Variants in DPP10 observed in about 807,000 individuals in gnomAD.
DPP10 encodes inactive dipeptidyl peptidase 10.
In DPP10, 33 loss-of-function variants were observed where a neutral mutation model predicts 120.9. The observed-to-expected ratio is 0.27, with a 90% CI of 0.21 to 0.37. DPP10 has a LOEUF of 0.37. Ranked by LOEUF, DPP10 falls within the 10% of genes least tolerant of loss-of-function variation. The probability of loss-of-function intolerance (pLI) is 1.00; values close to 1 mark genes in which losing one functional copy is unlikely to be tolerated. For missense variants in DPP10, 816 were observed against 942.8 expected, an observed-to-expected ratio of 0.87 and a Z score of 1.76; for synonymous variants, 337 against 326.1, an observed-to-expected ratio of 1.03 and a Z score of -0.36.
At chr2:114,873,551 G>A (rs750535098) in intron 1 of DPP10, among the ~76,000 whole-genome samples, 53 of 152,200 alleles carry the variant, frequency 3.5e-4, no homozygotes, top group Middle Eastern at 6.8e-3. Flanking sequence ...GTGTCGGTGC[G>A]TGCATGGATG....
At chr2:114,569,160 C>T (rs1380563644) in intron 1 of DPP10, among the ~76,000 whole-genome samples, 3 of 152,148 alleles carry the variant, frequency 2.0e-5, no homozygotes, top group Non-Finnish European at 4.4e-5. Context: ...GACTTTTTAA[C>T]ACTGAGAAAG....
chr2:115,197,249 G>A (rs776649596), intron 1 of DPP10, among the ~76,000 whole-genome samples: 8 of 151,928 alleles, frequency 5.3e-5, no homozygotes, highest in African/African-American at 1.2e-4. Context: ...AAAATTAGCC[G>A]GGCGTGGTGG....
chr2:115,396,483 A>G (rs2067688630), intron 3 of DPP10, among the ~76,000 whole-genome samples: 1 of 152,206 alleles, frequency 6.6e-6, no homozygotes, highest in African/African-American at 2.4e-5. Context: ...CATTTCTCCC[A>G]TGTGGTCTGT....
At chr2:114,585,336 G>A (rs889089571) in intron 1 of DPP10, among the ~76,000 whole-genome samples, 23 of 152,172 alleles carry the variant, frequency 1.5e-4, no homozygotes, top group African/African-American at 5.3e-4. Context: ...TTTCCCTCTC[G>A]TTGACTCTCT....
At position 115,685,237 on chromosome 2, in the gene DPP10, A is replaced by G. The variant is rs1414899495; in HGVS notation, c.442-4450A>G. ...ATGTAGTGAAAGCTAAATTTGAGTT[A>G]TTATTATATGCAGGACTATCTTAAG... On this transcript the variant is annotated intron_variant, in intron 5 of 25. Transcript: ENST00000410059. 2.7e-5 allele frequency among the ~76,000 whole-genome samples: 4 copies of G among 149,840 alleles called. No individual in the cohort carries two copies. In the South Asian group the frequency reaches 8.3e-4, roughly 31 times the overall value.
chr2:115,339,702 A>G (rs956567539), intron 2 of DPP10, among the ~76,000 whole-genome samples: 8 of 152,200 alleles, frequency 5.3e-5, no homozygotes, highest in African/African-American at 1.9e-4. Context: ...GATAAAAGCC[A>G]GTCCAAAAGC....
intron 1 of DPP10, among the ~76,000 whole-genome samples, chr2:114,630,792 A>G (rs531035809): frequency 1.3e-5 from 2 of 152,230 alleles, no homozygotes; most frequent in South Asian, 4.2e-4. Context: ...AAAGATTTGT[A>G]AGGATACTGT....
At chr2:114,461,548 C>T (rs920741831) in intron 1 of DPP10, 1 of 980,270 alleles carries the variant, frequency 1.0e-6, no homozygotes, top group Non-Finnish European at 1.2e-6. Context: ...TGATCAACCT[C>T]CTTTTCTAAG....
intron 3 of DPP10, among the ~76,000 whole-genome samples, chr2:115,394,167 T>G (rs577305534): frequency 6.6e-6 from 1 of 152,188 alleles, no homozygotes; most frequent in Non-Finnish European, 1.5e-5. Flanking sequence ...GTGAGACTGA[T>G]GTAATCAGAT....
intron 2 of DPP10, among the ~76,000 whole-genome samples, chr2:115,326,243 G>T (rs529779430): frequency 3.3e-5 from 5 of 152,134 alleles, no homozygotes; most frequent in South Asian, 2.1e-4. Context: ...GGTCCCATTT[G>T]ATTGTAATTC....
At chr2:114,640,989 T>C (rs761558964) in intron 1 of DPP10, among the ~76,000 whole-genome samples, 10 of 151,916 alleles carry the variant, frequency 6.6e-5, no homozygotes, top group Non-Finnish European at 1.5e-4. Flanking sequence ...TTTTATTCTC[T>C]GGTTTTAGTT....
chr2:114,451,309 T>C (rs1678262731), intron 1 of DPP10, among the ~76,000 whole-genome samples: 1 of 152,132 alleles, frequency 6.6e-6, no homozygotes, highest in South Asian at 2.1e-4. Context: ...GTTCTCTCAT[T>C]GTTACAGTCA....
At chr2:115,092,237 C>T (rs912265487) in intron 1 of DPP10, among the ~76,000 whole-genome samples, 2 of 152,170 alleles carry the variant, frequency 1.3e-5, no homozygotes, top group African/African-American at 2.4e-5. Flanking sequence ...TACCAAATAA[C>T]TCACTTTGCA....
intron 1 of DPP10, among the ~76,000 whole-genome samples, chr2:114,452,509 A>C (rs1678344196): frequency 6.6e-6 from 1 of 152,140 alleles, no homozygotes; most frequent in African/African-American, 2.4e-5. Context: ...TGCAGACAAG[A>C]AAGCCAAGGA....
intron 1 of DPP10, among the ~76,000 whole-genome samples, chr2:114,884,232 G>T (rs908744719): frequency 3.9e-5 from 6 of 152,096 alleles, no homozygotes; most frequent in African/African-American, 1.4e-4. Context: ...CATACATCAT[G>T]GTTTCCTTGA....
At chr2:114,491,669 A>G (rs2104440997) in intron 1 of DPP10, among the ~76,000 whole-genome samples, 1 of 152,248 alleles carries the variant, frequency 6.6e-6, no homozygotes, top group African/African-American at 2.4e-5. Context: ...AGTTTTACCT[A>G]TTTTGCTGAG....
rs1476052214 is a variant in DPP10 at position 115,205,820 on chromosome 2, TA to T, written c.61-103416del. Among the ~76,000 whole-genome samples, 7 of 152,182 alleles carry T rather than the reference TA, an allele frequency of 4.6e-5. 1 individual carries two copies. In the East Asian group the frequency reaches 1.4e-3, roughly 29 times the overall value. On this transcript the variant is annotated intron_variant, in intron 1 of 25. Transcript: ENST00000410059. ...CGTGTTCTCACTTGTAAGAGGGAGA[TA>T]AACATTGCATACACAGACATAAAGA...
intron 1 of DPP10, among the ~76,000 whole-genome samples, chr2:115,293,404 A>C (rs894509442): frequency 7.2e-5 from 11 of 152,118 alleles, no homozygotes; most frequent in African/African-American, 2.7e-4. Flanking sequence ...TTGGGAGGGC[A>C]ATGATGGTAT....
At chr2:114,887,939 A>C (rs113055611) in intron 1 of DPP10, among the ~76,000 whole-genome samples, 4 of 152,194 alleles carry the variant, frequency 2.6e-5, no homozygotes, top group Middle Eastern at 3.4e-3. Flanking sequence ...GGAGATCGAG[A>C]CCATCCTGGC....
Sources: allele counts gnomAD v4.1 joint callset (sites outside exome capture counted in the v4.1 genomes callset), GRCh38; gene constraint gnomAD v4.1.1; transcripts MANE v1.5; gene names NCBI Gene and HGNC (gene_info 2026-07-23, HGNC 2026-07-21).